CHODL: variants seen among roughly 807,000 people sequenced by gnomAD.
The protein encoded by CHODL is transmembrane protein MT75.
Under a neutral mutation model 34.5 loss-of-function variants are expected in CHODL, and 29 were observed. The ratio of observed to expected loss-of-function variants is 0.84; its 90% CI spans 0.63 to 1.15. The LOEUF is 1.15. CHODL is among the 50% of genes most tolerant of loss of function. The pLI is 0.00. For synonymous variants in CHODL, 125 were observed against 116.1 expected (o/e 1.08, Z -0.49); for missense variants, 332 against 332.5 (o/e 1.00, Z 0.01).
chr21:18,077,234 C>T (rs1044787884), intron 2 of CHODL, among the ~76,000 whole-genome samples: 1 of 152,192 alleles, frequency 6.6e-6, no homozygotes, highest in African/African-American at 2.4e-5. Flanking sequence ...GTGCCTGTCA[C>T]ACCATTGTTT....
At chr21:17,965,157 T>C (rs1190197025) in intron 1 of CHODL, among the ~76,000 whole-genome samples, 1 of 152,196 alleles carries the variant, frequency 6.6e-6, no homozygotes, top group Non-Finnish European at 1.5e-5. Flanking sequence ...ATAACTGCAC[T>C]TAACCCTCTC....
chr21:18,125,377 A>G (rs1304383937), intron 2 of CHODL, among the ~76,000 whole-genome samples: 1 of 152,178 alleles, frequency 6.6e-6, no homozygotes, highest in Non-Finnish European at 1.5e-5. Context: ...TCCTACCTTC[A>G]TTCACATCTT....
intron 2 of CHODL, among the ~76,000 whole-genome samples, chr21:18,111,585 A>G (rs574229188): frequency 6.6e-6 from 1 of 152,174 alleles, no homozygotes; most frequent in African/African-American, 2.4e-5. Flanking sequence ...TCCTTAAGCC[A>G]TATAGTCTGG....
intron 1 of CHODL, among the ~76,000 whole-genome samples, chr21:18,254,483 G>A (rs1441330796): frequency 6.6e-6 from 1 of 152,100 alleles, no homozygotes; most frequent in Admixed American, 6.6e-5. Context: ...ATCCTTGGCG[G>A]TTTTAAAAGT....
intron 1 of CHODL, among the ~76,000 whole-genome samples, chr21:18,005,584 C>A (rs1043379559): frequency 1.3e-5 from 2 of 152,160 alleles, no homozygotes; most frequent in Non-Finnish European, 2.9e-5. Flanking sequence ...CAGAAGAGGG[C>A]AAATGACGTG....
Position 17,959,337 on chromosome 21 carries a change from T to C in CHODL, c.-145+41937T>C, listed in dbSNP as rs187781670. On this transcript the variant is annotated intron_variant, in intron 1 of 6. Coordinates refer to the CHODL transcript ENST00000400127. ...AAGTTTACTCTGTCCACTACGTTTT[T>C]GGTGTTTAATTTCCTCAGTATTTCT... is the stretch of plus-strand genomic sequence containing the variant. Among the ~76,000 whole-genome samples, 476 of 152,300 alleles carry C rather than the reference T, an allele frequency of 3.1e-3. 3 individuals carry two copies. Among genetic ancestry groups the C allele is most frequent in the African/African-American group, 0.011 (442 of 41,572 alleles).
chr21:18,230,268 A>G (rs1194447732), intron 2 of CHODL, among the ~76,000 whole-genome samples: 4 of 152,170 alleles, frequency 2.6e-5, no homozygotes, highest in African/African-American at 9.7e-5. Flanking sequence ...CTGAAACCAC[A>G]TGATATAAAT....
intron 1 of CHODL, among the ~76,000 whole-genome samples, chr21:18,026,703 G>A (rs2064179407): frequency 1.3e-5 from 2 of 152,112 alleles, no homozygotes; most frequent in South Asian, 2.1e-4. Context: ...TTTGTGCAAA[G>A]CTGATTAAAA....
intron 2 of CHODL, among the ~76,000 whole-genome samples, chr21:18,128,213 A>C (rs1474987829): frequency 6.9e-6 from 1 of 144,316 alleles, no homozygotes; most frequent in East Asian, 2.2e-4. Flanking sequence ...AGGCAGGAGA[A>C]TGGTGTGAAC....
At chr21:18,086,511 C>T (rs2146522634) in intron 2 of CHODL, among the ~76,000 whole-genome samples, 1 of 152,080 alleles carries the variant, frequency 6.6e-6, no homozygotes, top group Non-Finnish European at 1.5e-5. Context: ...GAATTTTTTC[C>T]TGAAAATGTA....
intron 2 of CHODL, among the ~76,000 whole-genome samples, chr21:18,090,020 C>T (rs1354492848): frequency 6.6e-6 from 1 of 152,182 alleles, no homozygotes; most frequent in African/African-American, 2.4e-5. Flanking sequence ...TACTCAACAA[C>T]TGATACAATA....
intron 1 of CHODL, among the ~76,000 whole-genome samples, chr21:17,938,515 A>G (rs1410217509): frequency 9.4e-6 from 1 of 105,972 alleles, no homozygotes; most frequent in Non-Finnish European, 1.7e-5. Context: ...GTCTCGCTCC[A>G]TCGCCCAGGC....
chr21:18,247,541 A>G (rs1211301236), intron 1 of CHODL, among the ~76,000 whole-genome samples: 2 of 152,102 alleles, frequency 1.3e-5, no homozygotes, highest in Non-Finnish European at 2.9e-5. Context: ...AATAAAGTGG[A>G]TATATTTTAG....
chr21:18,136,119 G>GAAAAAAAAAAAAAAAAAAA (rs755756494), intron 2 of CHODL, among the ~76,000 whole-genome samples: 1 of 134,366 alleles, frequency 7.4e-6, no homozygotes, highest in Non-Finnish European at 1.5e-5. Context: ...AAAAAAAAAA[G>GAAAAAAAAAAAAAAAAAAA]AAAAAGAAAA....
chr21:18,179,062 A>G (rs891745860), intron 2 of CHODL, among the ~76,000 whole-genome samples: 16 of 152,100 alleles, frequency 1.1e-4, no homozygotes, highest in Non-Finnish European at 1.6e-4. Context: ...AAAGAAAGCT[A>G]ACCACCCCCA....
intron 2 of CHODL, among the ~76,000 whole-genome samples, chr21:18,033,682 G>C (rs1364897425): frequency 6.6e-6 from 1 of 151,902 alleles, no homozygotes; most frequent in Admixed American, 6.6e-5. Flanking sequence ...GTTATGTTAT[G>C]GGTATAGTAG....
chr21:18,265,816 T>TTGGAAGAA, intron 5 of CHODL, 138 bp from the exon 6 acceptor site: 1 of 611,982 alleles, frequency 1.6e-6, no homozygotes, highest in Non-Finnish European at 2.7e-6. Context: ...CTAGAAGTTT[T>TTGGAAGAA]TGGAAGAATG....
chr21:18,035,792 TC>T (rs1280919853), intron 2 of CHODL, among the ~76,000 whole-genome samples: 1 of 49,882 alleles, frequency 2.0e-5, no homozygotes, highest in African/African-American at 5.7e-5. Context: ...TCAATTTGGA[TC>T]TTCTTCTTTC....
chr21:18,262,799 C>G lies in CHODL; in HGVS notation c.643C>G (p.Pro215Ala), dbSNP rs79201554. 3,782 of 1,571,326 alleles carry G rather than the reference C, an allele frequency of 2.4e-3. 66 individuals are homozygous for G. The African/African-American group carries it at 0.044, about 18-fold the overall frequency. The change falls in exon 5 of 6, where the codon CCC becomes GCC. Residue 215 changes from proline to alanine, a missense_variant. Coordinates refer to ENST00000299295, the MANE Select transcript of CHODL (RefSeq NM_024944.3). The stretch of plus-strand genomic sequence containing the variant: ...ACTGTTTTATTTTGTAGGTATAATT[C>G]CCAATCTAATTTATGTTGTTATACC... ...NVVVTEAGII[P>A]NLIYVVIPTI...
Sources: allele counts gnomAD v4.1 joint callset (sites outside exome capture counted in the v4.1 genomes callset), GRCh38; gene constraint gnomAD v4.1.1; transcripts MANE v1.5; gene names NCBI Gene and HGNC (gene_info 2026-07-23, HGNC 2026-07-21).